WWOX: variants seen among roughly 807,000 people sequenced by gnomAD.
The protein encoded by WWOX is WW domain-containing oxidoreductase.
WWOX carries 69 observed loss-of-function variants against 46.2 expected under a neutral mutation model. The observed-to-expected ratio is 1.49, with a 90% CI of 1.23 to 1.82. WWOX has a LOEUF of 1.82. WWOX is among the 40% of genes most tolerant of loss of function. The pLI, the probability that WWOX is intolerant of heterozygous loss-of-function variation, is 0.00. For missense variants in WWOX, 919 were observed against 542.6 expected (o/e 1.69, Z -6.89); for synonymous variants, 359 against 202.6 (o/e 1.77, Z -6.56).
chr16:78,229,159 A>C (rs912224700), intron 5 of WWOX, among the ~76,000 whole-genome samples: 10 of 152,052 alleles, frequency 6.6e-5, no homozygotes. Context: ...TTAATATACT[A>C]GTGAATTTTC....
chr16:78,513,498 T>C (rs1428777716), intron 8 of WWOX, among the ~76,000 whole-genome samples: 1 of 152,220 alleles, frequency 6.6e-6, no homozygotes, highest in Non-Finnish European at 1.5e-5. Context: ...TGTATCTTAC[T>C]GTATGATGGT....
chr16:79,054,818 C>T (rs190076344), intron 8 of WWOX, among the ~76,000 whole-genome samples: 27 of 152,206 alleles, frequency 1.8e-4, no homozygotes, highest in African/African-American at 6.0e-4. Context: ...AGAGTATGAC[C>T]TTTGTCTCAA....
chr16:78,615,141 A>G (rs2045990805), intron 8 of WWOX, among the ~76,000 whole-genome samples: 1 of 152,234 alleles, frequency 6.6e-6, no homozygotes, highest in Non-Finnish European at 1.5e-5. Flanking sequence ...TAGCTAAATT[A>G]AAATACTCAC....
chr16:78,820,777 G>T (rs1165268119), intron 8 of WWOX, among the ~76,000 whole-genome samples: 2 of 152,126 alleles, frequency 1.3e-5, no homozygotes, highest in Admixed American at 6.5e-5. Context: ...CCAAAATCAA[G>T]GCGTTTGTGG....
intron 8 of WWOX, among the ~76,000 whole-genome samples, chr16:79,011,329 C>A (rs984647991): frequency 6.6e-6 from 1 of 151,652 alleles, no homozygotes; most frequent in African/African-American, 2.4e-5. Flanking sequence ...TCTAATATGC[C>A]CTCTACATTC....
chr16:79,103,916 T>G (rs1002181019), intron 8 of WWOX, among the ~76,000 whole-genome samples: 1 of 151,956 alleles, frequency 6.6e-6, no homozygotes, highest in Non-Finnish European at 1.5e-5. Flanking sequence ...AAAGAGCTCC[T>G]TAATTGAAAA....
At chr16:78,566,689 C>T (rs2044576923) in intron 8 of WWOX, among the ~76,000 whole-genome samples, 1 of 152,152 alleles carries the variant, frequency 6.6e-6, no homozygotes, top group African/African-American at 2.4e-5. Flanking sequence ...ACAGTGCAGT[C>T]AGGAGATTGG....
chr16:78,825,868 T>G (rs2051639389), intron 8 of WWOX: 1 of 658,878 alleles, frequency 1.5e-6, no homozygotes, highest in African/African-American at 1.8e-5. Context: ...CTGGTAAGAC[T>G]GGCCCTAAGA....
intron 8 of WWOX, among the ~76,000 whole-genome samples, chr16:79,169,952 C>G (rs753055988): frequency 1.3e-5 from 2 of 152,200 alleles, no homozygotes; most frequent in African/African-American, 4.8e-5. Context: ...CTCAGCAGAA[C>G]TGGCTCTGTT....
At chr16:78,826,938 A>G (rs77791817) in intron 8 of WWOX, among the ~76,000 whole-genome samples, 7,047 of 152,242 alleles carry the variant, frequency 0.046, 209 homozygotes, top group Non-Finnish European at 0.066. Flanking sequence ...ACACCAAGCT[A>G]TTACATTTTT....
chr16:78,902,915 G>A (rs941101689), intron 8 of WWOX, among the ~76,000 whole-genome samples: 1 of 152,184 alleles, frequency 6.6e-6, no homozygotes, highest in East Asian at 1.9e-4. Context: ...CTAGTGTCTT[G>A]TAAAGCTGCA....
intron 5 of WWOX, among the ~76,000 whole-genome samples, chr16:78,373,941 C>A (rs2081756110): frequency 6.6e-6 from 1 of 152,136 alleles, no homozygotes; most frequent in Non-Finnish European, 1.5e-5. Flanking sequence ...CGTGTGCCAC[C>A]AGGCCCGGCC....
intron 8 of WWOX, among the ~76,000 whole-genome samples, chr16:78,779,335 G>A (rs2050269004): frequency 6.6e-6 from 1 of 152,086 alleles, no homozygotes; most frequent in Non-Finnish European, 1.5e-5. Context: ...TTAGTAGAGA[G>A]GCAGTTTTGC....
At chr16:78,857,128 A>G (rs1435231358) in intron 8 of WWOX, among the ~76,000 whole-genome samples, 2 of 152,266 alleles carry the variant, frequency 1.3e-5, no homozygotes. Context: ...AGTGTGTGAT[A>G]GTGCTTAAAT....
intron 8 of WWOX, among the ~76,000 whole-genome samples, chr16:78,660,412 G>C (rs752264746): frequency 9.2e-5 from 14 of 152,142 alleles, no homozygotes. Context: ...CTGAGAGGTG[G>C]AAGGGGCCAC....
intron 8 of WWOX, among the ~76,000 whole-genome samples, chr16:78,869,342 C>G (rs934461535): frequency 2.6e-5 from 4 of 152,126 alleles, no homozygotes; most frequent in East Asian, 1.9e-4. Flanking sequence ...AAAGTGCCTA[C>G]TTTTCCAAGC....
chr16:78,445,854 G>GC (rs2083547158), intron 8 of WWOX, among the ~76,000 whole-genome samples: 1 of 151,188 alleles, frequency 6.6e-6, no homozygotes, highest in Non-Finnish European at 1.5e-5. Flanking sequence ...CTCCAGCCTG[G>GC]GTGATGGAGC....
chr16:79,086,697 A>T (rs555738000), intron 8 of WWOX, among the ~76,000 whole-genome samples: 8 of 152,278 alleles, frequency 5.3e-5, no homozygotes, highest in African/African-American at 1.9e-4. Flanking sequence ...CTTGGGCAAC[A>T]TAGGGAGACT....
At chr16:78,187,474 G>A (rs1567619364) in intron 5 of WWOX, among the ~76,000 whole-genome samples, 1 of 152,172 alleles carries the variant, frequency 6.6e-6, no homozygotes, top group Non-Finnish European at 1.5e-5. Flanking sequence ...GTGGTGGTGT[G>A]CACCCGTAGT....
Sources: allele counts gnomAD v4.1 joint callset (sites outside exome capture counted in the v4.1 genomes callset), GRCh38; gene constraint gnomAD v4.1.1; transcripts MANE v1.5; gene names NCBI Gene and HGNC (gene_info 2026-07-23, HGNC 2026-07-21).